IMMP2L: variants seen among roughly 807,000 people sequenced by gnomAD.
IMMP2L encodes the protein mitochondrial inner membrane protease subunit 2.
IMMP2L carries 18 observed loss-of-function variants against 19.3 expected under a neutral mutation model. That is an observed-to-expected ratio of 0.93 (90% CI 0.64 to 1.38). IMMP2L has a LOEUF of 1.38. IMMP2L is among the 40% of genes most tolerant of loss of function. IMMP2L has a pLI of 0.00. For synonymous variants in IMMP2L, 76 were observed against 73.0 expected, an observed-to-expected ratio of 1.04 and a Z score of -0.21; for missense variants, 233 against 218.2, an observed-to-expected ratio of 1.07 and a Z score of -0.43.
intron 3 of IMMP2L, among the ~76,000 whole-genome samples, chr7:111,363,101 C>T (rs1228999551): frequency 6.6e-6 from 1 of 151,990 alleles, no homozygotes; most frequent in Admixed American, 6.6e-5. Context: ...TTTTTTCATA[C>T]ACACATGAAT....
chr7:110,983,645 T>G (rs927838366), intron 3 of IMMP2L, among the ~76,000 whole-genome samples: 1 of 151,998 alleles, frequency 6.6e-6, no homozygotes, highest in Non-Finnish European at 1.5e-5. Flanking sequence ...AAGAAAGTAC[T>G]AGGATGTGAA....
At chr7:111,050,287 A>C (rs1792878898) in intron 3 of IMMP2L, among the ~76,000 whole-genome samples, 1 of 152,294 alleles carries the variant, frequency 6.6e-6, no homozygotes, top group South Asian at 2.1e-4. Flanking sequence ...CAAATTCACC[A>C]TATTTAAATT....
chr7:110,852,830 C>A (rs1369836224), intron 5 of IMMP2L, among the ~76,000 whole-genome samples: 1 of 152,052 alleles, frequency 6.6e-6, no homozygotes, highest in African/African-American at 2.4e-5. Flanking sequence ...AAACTAAGAT[C>A]TAAGCCCACA....
chr7:110,721,141 T>G (rs975890465), intron 5 of IMMP2L, among the ~76,000 whole-genome samples: 13 of 151,780 alleles, frequency 8.6e-5, no homozygotes, highest in Admixed American at 6.6e-5. Flanking sequence ...TCACTGAGAG[T>G]AGCTTCGTAC....
chr7:110,801,390 G>A (rs10277741), intron 5 of IMMP2L, among the ~76,000 whole-genome samples: 8,072 of 152,056 alleles, frequency 0.053, 718 homozygotes, highest in African/African-American at 0.18. Flanking sequence ...CCTCTGTCTC[G>A]AAACTAGATT....
intron 5 of IMMP2L, among the ~76,000 whole-genome samples, chr7:110,835,115 A>C (rs760893297): frequency 6.6e-6 from 1 of 152,180 alleles, no homozygotes; most frequent in Non-Finnish European, 1.5e-5. Context: ...TATGTAAAAC[A>C]GGTAGCTAAA....
intron 3 of IMMP2L, among the ~76,000 whole-genome samples, chr7:111,436,363 C>T (rs1295720842): frequency 6.6e-6 from 1 of 151,582 alleles, no homozygotes; most frequent in Non-Finnish European, 1.5e-5. Flanking sequence ...AAATACACTA[C>T]ACTCTAAAAA....
chr7:111,350,798 T>C (rs1185892024), intron 3 of IMMP2L, among the ~76,000 whole-genome samples: 1 of 152,114 alleles, frequency 6.6e-6, no homozygotes, highest in Admixed American at 6.6e-5. Flanking sequence ...CTCTCATCTT[T>C]TGTATCTATT....
intron 5 of IMMP2L, among the ~76,000 whole-genome samples, chr7:110,818,600 T>C (rs956305826): frequency 4.6e-5 from 7 of 152,180 alleles, no homozygotes; most frequent in South Asian, 2.1e-4. Flanking sequence ...TTGACCCAGC[T>C]ATCCCATTAC....
intron 1 of IMMP2L, among the ~76,000 whole-genome samples, chr7:111,549,783 A>ATTCTT (rs916574092): frequency 3.9e-5 from 6 of 152,076 alleles, no homozygotes; most frequent in African/African-American, 1.4e-4. Context: ...TCTACTAAAA[A>ATTCTT]TACAAAGATT....
chr7:110,807,095 C>T (rs1801685212), intron 5 of IMMP2L, among the ~76,000 whole-genome samples: 1 of 151,954 alleles, frequency 6.6e-6, no homozygotes, highest in South Asian at 2.1e-4. Context: ...GAGACTTGTT[C>T]TGGCTCTTAG....
intron 3 of IMMP2L, among the ~76,000 whole-genome samples, chr7:111,074,610 A>G (rs1795232269): frequency 6.6e-6 from 1 of 152,228 alleles, no homozygotes; most frequent in Non-Finnish European, 1.5e-5. Context: ...GTTGGCTCAC[A>G]GAGTTTTCAT....
chr7:110,716,546 C>T (rs1795246628), intron 5 of IMMP2L, among the ~76,000 whole-genome samples: 1 of 152,132 alleles, frequency 6.6e-6, no homozygotes, highest in Non-Finnish European at 1.5e-5. Flanking sequence ...TTTATTTCTT[C>T]TTCACTTATG....
At chr7:111,137,879 C>G (rs1214068620) in intron 3 of IMMP2L, among the ~76,000 whole-genome samples, 1 of 152,182 alleles carries the variant, frequency 6.6e-6, no homozygotes, top group African/African-American at 2.4e-5. Context: ...GCCTGGAGTA[C>G]AGTGACATGA....
At chr7:110,755,779 T>A (rs189763337) in intron 5 of IMMP2L, among the ~76,000 whole-genome samples, 1 of 152,162 alleles carries the variant, frequency 6.6e-6, no homozygotes, top group East Asian at 1.9e-4. Context: ...ACCTGGTAGG[T>A]GCTGTAGGAA....
chr7:110,840,194 C>T (rs1804928043), intron 5 of IMMP2L, among the ~76,000 whole-genome samples: 1 of 152,118 alleles, frequency 6.6e-6, no homozygotes, highest in South Asian at 2.1e-4. Context: ...AGTATCTCCC[C>T]ACTTTCACCC....
intron 3 of IMMP2L, among the ~76,000 whole-genome samples, chr7:111,131,683 A>T (rs2129594045): frequency 6.6e-6 from 1 of 152,080 alleles, no homozygotes; most frequent in South Asian, 2.1e-4. Flanking sequence ...AATGTGTATA[A>T]TACATTACAT....
Position 110,921,338 on chromosome 7 carries a change from T to A in IMMP2L, c.306-34643A>T, listed in dbSNP as rs1814253536. On this transcript the variant is annotated intron_variant, in intron 4 of 5. Transcript: ENST00000405709. Reference sequence around the variant, plus strand: ...AGGTTTCTCAAGACAGTGGCATCTATAAATTCCCTTCTCTAGTGGGAGAGT... The same window carrying A: ...AGGTTTCTCAAGACAGTGGCATCTAAAAATTCCCTTCTCTAGTGGGAGAGT... Among the ~76,000 whole-genome samples, 3 of 152,320 alleles carry A rather than the reference T, an allele frequency of 2.0e-5. No homozygotes were observed. The South Asian group carries it at 6.2e-4, about 32-fold the overall frequency.
At chr7:111,517,427 TA>T (rs1845965118) in intron 2 of IMMP2L, among the ~76,000 whole-genome samples, 1 of 145,098 alleles carries the variant, frequency 6.9e-6, no homozygotes, top group Admixed American at 7.0e-5. Context: ...GTACACTATG[TA>T]AAAATTATGT....
Sources: allele counts gnomAD v4.1 joint callset (sites outside exome capture counted in the v4.1 genomes callset), GRCh38; gene constraint gnomAD v4.1.1; transcripts MANE v1.5; gene names NCBI Gene and HGNC (gene_info 2026-07-23, HGNC 2026-07-21).